The following GLT1D1 variants were observed in gnomAD, a reference collection of about 807,000 sequenced individuals.
GLT1D1 encodes the protein glycosyltransferase 1 domain containing 1, also known as glycosyltransferase 1 domain-containing protein 1.
In GLT1D1, 21 loss-of-function variants were observed where a neutral mutation model predicts 28.7. The observed-to-expected ratio is 0.73, with a 90% confidence interval of 0.52 to 1.05. The LOEUF (loss-of-function observed/expected upper bound fraction) is 1.05, where lower values mean the gene tolerates loss of function less well. GLT1D1 is among the 50% of genes least tolerant of loss of function. The probability of loss-of-function intolerance (pLI) is 0.00; values close to 1 mark genes in which losing one functional copy is unlikely to be tolerated. For synonymous variants in GLT1D1, 147 were observed against 124.8 expected (o/e 1.18, Z -1.19); for missense variants, 343 against 330.6 (o/e 1.04, Z -0.29).
Position 128,984,897 on chromosome 12 carries a change from A to G in GLT1D1, c.*1807A>G, listed in dbSNP as rs1267170741. On this transcript the variant is annotated 3_prime_UTR_variant, in exon 8 of 8. Coordinates refer to ENST00000281703, the MANE Select transcript of GLT1D1 (RefSeq NM_144669.3). ...CATGTCCTTCTAGGAAAATGTGCACATGCCTCACGCACTATGTGGGAAGGG... is the reference window on the plus strand; with the variant it reads ...CATGTCCTTCTAGGAAAATGTGCACGTGCCTCACGCACTATGTGGGAAGGG... 3 of 152,298 alleles carry G rather than the reference A, an allele frequency of 2.0e-5. No homozygotes were observed. The East Asian group carries it at 5.8e-4, about 29-fold the overall frequency. 9.4% of individuals were successfully genotyped at this position (152,298 alleles called of 1,614,324 possible).
chr12:128,912,681 G>A (rs1342803473), intron 4 of GLT1D1, among the ~76,000 whole-genome samples: 1 of 148,446 alleles, frequency 6.7e-6, no homozygotes, highest in African/African-American at 2.5e-5. Flanking sequence ...TTTCTTTTTT[G>A]AGACAAGGTC....
intron 4 of GLT1D1, among the ~76,000 whole-genome samples, chr12:128,929,145 A>G (rs919849279): frequency 6.6e-6 from 1 of 152,220 alleles, no homozygotes; most frequent in African/African-American, 2.4e-5. Context: ...GATGGGAAGC[A>G]GGCCTCGCAG....
intron 4 of GLT1D1, among the ~76,000 whole-genome samples, chr12:128,914,008 A>G (rs1374068735): frequency 1.3e-5 from 2 of 152,198 alleles, no homozygotes; most frequent in Non-Finnish European, 2.9e-5. Flanking sequence ...AGTATGATTC[A>G]GTGTGAATAA....
At chr12:128,859,217 G>A (rs1283049940) in intron 1 of GLT1D1, among the ~76,000 whole-genome samples, 2 of 152,202 alleles carry the variant, frequency 1.3e-5, no homozygotes, top group Admixed American at 6.5e-5. Context: ...ACAGTTGTGA[G>A]CTATTAATCA....
rs186521423 is a variant in GLT1D1 at position 128,875,613 on chromosome 12, A to G, written c.69-301A>G. ...AGAGTTTGAGACCAGCTTGGCCAACATGGTGAAACCCCGTTTCTACTAAAA... is the reference window on the plus strand; with the variant it reads ...AGAGTTTGAGACCAGCTTGGCCAACGTGGTGAAACCCCGTTTCTACTAAAA... On this transcript the variant is annotated intron_variant, in intron 1 of 7. Coordinates refer to ENST00000281703, the MANE Select transcript of GLT1D1 (RefSeq NM_144669.3). Among the ~76,000 whole-genome samples the G allele has an allele frequency of 1.1e-3, 160 of 152,298 alleles. 2 individuals are homozygous for G. The highest frequency in any genetic ancestry group is 1.2e-3 in the East Asian group (6 of 5,174).
At chr12:128,980,457 C>T (rs1009696999) in intron 7 of GLT1D1, among the ~76,000 whole-genome samples, 2 of 152,334 alleles carry the variant, frequency 1.3e-5, no homozygotes, top group African/African-American at 4.8e-5. Context: ...TTACAACTAC[C>T]GCCATTTGAT....
rs117108798 is a variant in GLT1D1 at position 128,863,564 on chromosome 12, G to A, written c.68+9915G>A. Among the ~76,000 whole-genome samples the A allele has an allele frequency of 3.8e-3, 576 of 152,144 alleles. 1 individual carries two copies. Among genetic ancestry groups the A allele is most frequent in the Middle Eastern group, 0.014 (4 of 294 alleles). On this transcript the variant is annotated intron_variant, in intron 1 of 7. Coordinates refer to ENST00000281703, the MANE Select transcript of GLT1D1 (RefSeq NM_144669.3). ...ATTTGGTATTTTTTTAGTAAATAGA[G>A]ACGGGGTTTCACCATGTTGGTCAGG...
In GLT1D1 at chr12:128,953,416, A is replaced by G. The variant is rs543113012; in HGVS notation, c.541-4129A>G. ...GGCCTCAAACTCCTGGCCTCAAGCA[A>G]TTTTCCTGCCTCAATCTCCCAAAGT... On this transcript the variant is annotated intron_variant, in intron 6 of 7. Transcript: ENST00000281703. Among the ~76,000 whole-genome samples, 4 of 152,228 alleles carry G rather than the reference A, an allele frequency of 2.6e-5. 1 individual carries two copies. In the South Asian group the frequency reaches 8.3e-4, roughly 32 times the overall value.
At chr12:128,854,618 T>G (rs951251285) in intron 1 of GLT1D1, among the ~76,000 whole-genome samples, 6 of 152,100 alleles carry the variant, frequency 3.9e-5, no homozygotes, top group Admixed American at 1.3e-4. Context: ...TGCCTCAGCC[T>G]CCCAAGTAGT....
chr12:128,858,248 C>T (rs1044651962), intron 1 of GLT1D1, among the ~76,000 whole-genome samples: 3 of 152,112 alleles, frequency 2.0e-5, no homozygotes, highest in Admixed American at 6.6e-5. Flanking sequence ...ACTTACCTTC[C>T]AGTCTGACTC....
chr12:128,927,112 T>C (rs1281564364), intron 4 of GLT1D1: 1 of 1,535,738 alleles, frequency 6.5e-7, no homozygotes, highest in East Asian at 2.4e-5. Flanking sequence ...AAGCCTGGCA[T>C]CAGGAGGAGC....
intron 3 of GLT1D1, among the ~76,000 whole-genome samples, chr12:128,896,316 A>G (rs1265436661): frequency 6.6e-6 from 1 of 152,182 alleles, no homozygotes; most frequent in Non-Finnish European, 1.5e-5. Flanking sequence ...AAAGATTGTA[A>G]GTCCTGACTT....
intron 3 of GLT1D1, among the ~76,000 whole-genome samples, chr12:128,894,875 A>G (rs1471024418): frequency 2.0e-5 from 3 of 149,226 alleles, no homozygotes; most frequent in African/African-American, 7.3e-5. Context: ...TAAATATATT[A>G]AAAATTATAT....
intron 7 of GLT1D1, among the ~76,000 whole-genome samples, chr12:128,974,656 C>T (rs116300296): frequency 1.7e-4 from 26 of 152,312 alleles, no homozygotes; most frequent in African/African-American, 6.0e-4. Flanking sequence ...TCCTGCGTCA[C>T]GGGACTATTC....
chr12:128,944,975 T>C, intron 4 of GLT1D1: 3 of 559,514 alleles, frequency 5.4e-6, no homozygotes, highest in Non-Finnish European at 9.6e-6. Flanking sequence ...GGCCCCGGTG[T>C]GTGATGTTCC....
At chr12:128,876,145 A>G (rs779103772) in intron 2 of GLT1D1, 83 bp downstream of exon 2, 1 of 1,240,308 alleles carries the variant, frequency 8.1e-7, no homozygotes, top group South Asian at 1.5e-5. Flanking sequence ...CACGGGAAAC[A>G]GTGTCTCCTT....
chr12:128,957,999 C>T (rs1055282474), intron 7 of GLT1D1, among the ~76,000 whole-genome samples: 2 of 152,246 alleles, frequency 1.3e-5, no homozygotes, highest in African/African-American at 2.4e-5. Context: ...GGCGCCTATG[C>T]GATCACTTTT....
At chr12:128,911,476 T>C (rs1871521902) in intron 4 of GLT1D1, among the ~76,000 whole-genome samples, 1 of 152,176 alleles carries the variant, frequency 6.6e-6, no homozygotes, top group African/African-American at 2.4e-5. Flanking sequence ...AGGACAGGGG[T>C]GTGTCTTCTG....
chr12:128,939,878 C>G (rs1477108401), intron 4 of GLT1D1, among the ~76,000 whole-genome samples: 1 of 151,100 alleles, frequency 6.6e-6, no homozygotes, highest in South Asian at 2.1e-4. Flanking sequence ...TACCAGGCCC[C>G]ACCTCCAACA....
Sources: gnomAD v4.1 joint callset for allele counts (sites outside exome capture counted in the v4.1 genomes callset) on GRCh38, gnomAD v4.1.1 for gene constraint, MANE v1.5 for transcripts, NCBI Gene and HGNC (gene_info 2026-07-23, HGNC 2026-07-21) for gene names.